The following ATRNL1 variants were observed in gnomAD, a reference collection of about 807,000 sequenced individuals.
ATRNL1 encodes the protein attractin like 1.
Under a neutral mutation model 182.7 loss-of-function variants are expected in ATRNL1, and 95 were observed. The ratio of observed to expected loss-of-function variants is 0.52; its 90% CI spans 0.44 to 0.62. The LOEUF (loss-of-function observed/expected upper bound fraction) is 0.62. Ranked by LOEUF, ATRNL1 falls within the 20% of genes least tolerant of loss-of-function variation. The pLI, the probability that ATRNL1 is intolerant of heterozygous loss-of-function variation, is 0.00. For missense variants in ATRNL1, 1,471 were observed against 1,679.5 expected (o/e 0.88, Z 2.17); for synonymous variants, 576 against 568.3 (o/e 1.01, Z -0.19).
chr10:115,500,550 A>AT (rs74488419), intron 24 of ATRNL1, among the ~76,000 whole-genome samples: 4,966 of 150,382 alleles, frequency 0.033, 208 homozygotes, highest in East Asian at 0.14. Flanking sequence ...AGCAAGAATA[A>AT]TTTTTTTTTT....
chr10:115,334,772 T>C (rs1554936212), intron 19 of ATRNL1, among the ~76,000 whole-genome samples: 1 of 152,198 alleles, frequency 6.6e-6, no homozygotes, highest in African/African-American at 2.4e-5. Context: ...GAAATAATAA[T>C]TAAAAGTTAA....
chr10:115,214,067 C>CACACACACACACAT (rs1297035795), intron 8 of ATRNL1, among the ~76,000 whole-genome samples: 27 of 150,014 alleles, frequency 1.8e-4, no homozygotes, highest in Admixed American at 1.5e-3. Flanking sequence ...CACACACACA[C>CACACACACACACAT]ATATATATAA....
At chr10:115,219,141 A>G (rs7474585) in intron 9 of ATRNL1, among the ~76,000 whole-genome samples, 33,090 of 151,456 alleles carry the variant, frequency 0.22, 4,638 homozygotes, top group Non-Finnish European at 0.31. Flanking sequence ...AGGCTGAGGC[A>G]GAAGTGCTTG....
chr10:115,457,869 T>TA (rs1472636460), intron 21 of ATRNL1, among the ~76,000 whole-genome samples: 2 of 152,138 alleles, frequency 1.3e-5, no homozygotes, highest in Admixed American at 1.3e-4. Flanking sequence ...CCTTTTCTAA[T>TA]AATTTTTTTC....
intron 27 of ATRNL1, among the ~76,000 whole-genome samples, chr10:115,845,331 T>C (rs1555098430): frequency 6.6e-6 from 1 of 152,032 alleles, no homozygotes. Flanking sequence ...AGAGTAATTT[T>C]TTAAAGGAAG....
intron 26 of ATRNL1, among the ~76,000 whole-genome samples, chr10:115,628,171 A>T (rs1397185538): frequency 9.9e-5 from 15 of 151,956 alleles, no homozygotes; most frequent in African/African-American, 3.6e-4. Flanking sequence ...GAAAGAAAAA[A>T]AAAGAAATGA....
Position 115,268,331 on chromosome 10 carries a change from T to G in ATRNL1, c.1987T>G (p.Ser663Ala). ...RAKCPPKTAA[S>A]DDRCYRYADC... is the part of the protein sequence containing the mutation. ...GTCCCCCATTTGTATTATAGCTGCT[T>G]CTGATGACAGATGTTACAGATATGC... Residue 663 changes from serine (S) to alanine (A), a missense_variant, in exon 13 of 29, where the codon TCT (serine) becomes GCT (alanine). By Grantham distance (99) the Ser-to-Ala change is moderately conservative (BLOSUM62 1). Transcript: ENST00000355044. 6.2e-7 allele frequency: 1 copy of G among 1,603,808 alleles called. No homozygotes were observed. Among genetic ancestry groups the G allele is most frequent in the Non-Finnish European group, 8.5e-7 (1 of 1,170,704 alleles).
chr10:115,114,031 G>T (rs1554869073), intron 1 of ATRNL1, among the ~76,000 whole-genome samples: 6 of 151,762 alleles, frequency 4.0e-5, no homozygotes. Context: ...TATTAAAACA[G>T]CGTGATACCT....
At position 115,241,601 on chromosome 10, in the gene ATRNL1, A is replaced by G. The variant is rs1564844795; in HGVS notation, c.1563A>G (p.Arg521=). Residue 521 remains arginine (R), a synonymous_variant, in exon 10 of 29, where the codon AGA becomes AGG. Transcript: ENST00000355044. ...WTILKESGFA[R]YLHSAVLING... ...TTTTGAAAGAAAGTGGGTTTGCCAG[A>G]TACCTTCATTCAGCTGTTCTTATCA... 1.2e-6 allele frequency: 2 copies of G among 1,608,494 alleles called. No individual in the cohort carries two copies. The highest frequency in any genetic ancestry group is 2.2e-5 in the East Asian group (1 of 44,742).
At chr10:115,198,408 A>G (rs1180816787) in intron 8 of ATRNL1, among the ~76,000 whole-genome samples, 2 of 152,060 alleles carry the variant, frequency 1.3e-5, no homozygotes, top group East Asian at 3.9e-4. Context: ...ATATTTTCAT[A>G]TTAACCCTTT....
chr10:115,501,653 G>C (rs530337506), intron 24 of ATRNL1, among the ~76,000 whole-genome samples: 2 of 152,286 alleles, frequency 1.3e-5, no homozygotes, highest in African/African-American at 4.8e-5. Context: ...AAATCAGGTA[G>C]AGAGAAACAA....
intron 28 of ATRNL1, among the ~76,000 whole-genome samples, chr10:115,875,059 C>A (rs1951671637): frequency 6.6e-6 from 1 of 152,138 alleles, no homozygotes; most frequent in Admixed American, 6.6e-5. Flanking sequence ...AAAAGAGAGT[C>A]TCTGATGAAT....
intron 27 of ATRNL1, among the ~76,000 whole-genome samples, chr10:115,765,415 T>C (rs1440646055): frequency 6.6e-6 from 1 of 152,256 alleles, no homozygotes; most frequent in Non-Finnish European, 1.5e-5. Flanking sequence ...TTCTCTGATC[T>C]ACAGAACATC....
At position 115,427,802 on chromosome 10, in the gene ATRNL1, G is replaced by A. The variant is rs1025190271; in HGVS notation, c.3322+1500G>A. On this transcript the variant is annotated intron_variant, in intron 21 of 28. Coordinates refer to ENST00000355044, the MANE Select transcript of ATRNL1 (RefSeq NM_207303.4). ...TCTATTTGCTTATTTTTATGCTAAC[G>A]TAGCACATTTATAATTAATGTGATT... Among the ~76,000 whole-genome samples the A allele has an allele frequency of 6.6e-5, 10 of 151,630 alleles. No homozygotes were observed. The South Asian group carries it at 8.3e-4, about 13-fold the overall frequency.
intron 17 of ATRNL1, among the ~76,000 whole-genome samples, chr10:115,310,612 G>A (rs984692926): frequency 7.2e-5 from 11 of 152,074 alleles, no homozygotes; most frequent in Non-Finnish European, 1.5e-4. Context: ...TTTCTAGTTT[G>A]TATGCATAGA....
chr10:115,813,452 A>G (rs1185302519), intron 27 of ATRNL1, among the ~76,000 whole-genome samples: 4 of 152,168 alleles, frequency 2.6e-5, no homozygotes, highest in Non-Finnish European at 5.9e-5. Flanking sequence ...TGAAGCTGAG[A>G]TGATGAAAAT....
At chr10:115,834,058 C>T (rs1478524514) in intron 27 of ATRNL1, among the ~76,000 whole-genome samples, 3 of 152,160 alleles carry the variant, frequency 2.0e-5, no homozygotes, top group Admixed American at 6.5e-5. Flanking sequence ...GGAATGCCAG[C>T]GACCGACTGT....
chr10:115,838,917 C>G (rs1950741584), intron 27 of ATRNL1, among the ~76,000 whole-genome samples: 1 of 152,062 alleles, frequency 6.6e-6, no homozygotes. Flanking sequence ...TTCATACATG[C>G]TTTTGTACCA....
At chr10:115,734,534 G>A (rs1413029783) in intron 27 of ATRNL1, among the ~76,000 whole-genome samples, 2 of 151,876 alleles carry the variant, frequency 1.3e-5, no homozygotes, top group South Asian at 4.2e-4. Context: ...CTGATTATAT[G>A]AGAAATATTG....
Sources: gnomAD v4.1 joint callset for allele counts (sites outside exome capture counted in the v4.1 genomes callset) on GRCh38, gnomAD v4.1.1 for gene constraint, MANE v1.5 for transcripts, NCBI Gene and HGNC (gene_info 2026-07-23, HGNC 2026-07-21) for gene names.